LINGO2: variants seen among roughly 807,000 people sequenced by gnomAD.
LINGO2 encodes leucine rich repeat and Ig domain containing 2.
LINGO2 carries 14 observed loss-of-function variants against 30.6 expected under a neutral mutation model. That is an observed-to-expected ratio of 0.46 (90% CI 0.30 to 0.72). The LOEUF is 0.72. LINGO2 is among the 30% of genes least tolerant of loss of function. The probability of loss-of-function intolerance (pLI) is 0.07; values close to 1 mark genes in which losing one functional copy is unlikely to be tolerated. For missense variants in LINGO2, 729 were observed against 751.7 expected (o/e 0.97, Z 0.35); for synonymous variants, 317 against 288.5 (o/e 1.10, Z -1.00).
chr9:28,151,406 TACAC>T lies in LINGO2; in HGVS notation c.-86-139005_-86-139002del, dbSNP rs776894495. Among the ~76,000 whole-genome samples the T allele has an allele frequency of 3.0e-4, 45 of 152,000 alleles. 2 individuals carry two copies. The highest frequency in any genetic ancestry group is 1.9e-3 in the South Asian group (9 of 4,802). ...CTAAATGTGAATTTATATTTATACATACACACATATATACAAATTATATACACAT... is the reference window on the plus strand; with the variant it reads ...CTAAATGTGAATTTATATTTATACATACATATATACAAATTATATACACAT... On this transcript the variant is annotated intron_variant, in intron 4 of 5. Coordinates refer to ENST00000379992, the Ensembl canonical transcript of LINGO2.
chr9:29,102,960 A>G, the LINGO2 span, among the ~76,000 whole-genome samples: 1 of 152,120 alleles, frequency 6.6e-6, no homozygotes, highest in Admixed American at 6.5e-5. Context: ...TGATTTAATA[A>G]CTTGTCAAAC....
At chr9:28,725,880 C>A in the LINGO2 span, among the ~76,000 whole-genome samples, 1 of 152,074 alleles carries the variant, frequency 6.6e-6, no homozygotes, top group Non-Finnish European at 1.5e-5. Context: ...TGAGCTATTT[C>A]ATTGATGTCA....
At chr9:28,046,483 T>C (rs1219168266) in intron 4 of LINGO2, among the ~76,000 whole-genome samples, 2 of 152,186 alleles carry the variant, frequency 1.3e-5, no homozygotes, top group Non-Finnish European at 2.9e-5. Flanking sequence ...TAAGAACCTA[T>C]AATTTAAGCC....
At chr9:28,795,099 G>A in the LINGO2 span, among the ~76,000 whole-genome samples, 2 of 152,056 alleles carry the variant, frequency 1.3e-5, no homozygotes, top group Non-Finnish European at 2.9e-5. Flanking sequence ...TTCCCATAGT[G>A]CTGGGATTAC....
At chr9:28,549,266 C>G (rs1012736199) in intron 1 of LINGO2, among the ~76,000 whole-genome samples, 1 of 152,014 alleles carries the variant, frequency 6.6e-6, no homozygotes, top group Non-Finnish European at 1.5e-5. Context: ...TTTTATGAAG[C>G]AACAACATAT....
chr9:28,221,431 A>C (rs1386922406), intron 4 of LINGO2, among the ~76,000 whole-genome samples: 1 of 152,080 alleles, frequency 6.6e-6, no homozygotes, highest in African/African-American at 2.4e-5. Flanking sequence ...TATACTTCAA[A>C]TCATCATGTT....
the LINGO2 span, among the ~76,000 whole-genome samples, chr9:28,727,464 T>G: frequency 2.0e-5 from 3 of 152,144 alleles, no homozygotes; most frequent in African/African-American, 7.2e-5. Context: ...TTTTTTGTAT[T>G]TTTTTAGTAA....
intron 4 of LINGO2, among the ~76,000 whole-genome samples, chr9:28,047,652 C>G (rs1024315408): frequency 6.6e-6 from 1 of 150,790 alleles, no homozygotes; most frequent in Non-Finnish European, 1.5e-5. Flanking sequence ...GTAACGGTAG[C>G]TACCTTGTGG....
At chr9:28,577,635 T>C (rs1197635824) in intron 1 of LINGO2, among the ~76,000 whole-genome samples, 1 of 152,204 alleles carries the variant, frequency 6.6e-6, no homozygotes, top group Non-Finnish European at 1.5e-5. Flanking sequence ...ATTGGTTCTA[T>C]CTGGGCAGCA....
At chr9:29,142,961 A>G in the LINGO2 span, among the ~76,000 whole-genome samples, 4 of 152,070 alleles carry the variant, frequency 2.6e-5, no homozygotes, top group Non-Finnish European at 4.4e-5. Flanking sequence ...GGCAAGATAC[A>G]AATTAACATT....
chr9:28,083,429 T>A (rs189378181), intron 4 of LINGO2, among the ~76,000 whole-genome samples: 3 of 152,200 alleles, frequency 2.0e-5, no homozygotes, highest in African/African-American at 7.2e-5. Context: ...GGTTAGATTA[T>A]AAGAACAGGG....
chr9:27,968,326 C>T (rs10812711), intron 5 of LINGO2, among the ~76,000 whole-genome samples: 28,056 of 151,856 alleles, frequency 0.18, 6,424 homozygotes, highest in African/African-American at 0.53. Flanking sequence ...TATGGAAAGA[C>T]AATTGTATTA....
the LINGO2 span, among the ~76,000 whole-genome samples, chr9:28,909,544 G>A: frequency 6.6e-6 from 1 of 151,996 alleles, no homozygotes; most frequent in Non-Finnish European, 1.5e-5. Flanking sequence ...AAACTTTCAT[G>A]TTCCACTGAC....
At chr9:29,168,909 T>G in the LINGO2 span, among the ~76,000 whole-genome samples, 212 of 152,296 alleles carry the variant, frequency 1.4e-3, no homozygotes, top group Non-Finnish European at 2.5e-3. Context: ...CACTGTCCTG[T>G]TTTTAAATAT....
chr9:29,012,004 A>G, the LINGO2 span, among the ~76,000 whole-genome samples: 3 of 152,144 alleles, frequency 2.0e-5, no homozygotes, highest in Non-Finnish European at 4.4e-5. Flanking sequence ...TATCAGTGCT[A>G]TGTTTCAGAC....
the LINGO2 span, among the ~76,000 whole-genome samples, chr9:29,018,072 C>A: frequency 1.7e-3 from 207 of 120,374 alleles, no homozygotes; most frequent in African/African-American, 4.2e-3. Flanking sequence ...ATATATAAAT[C>A]TTTATATAAA....
the LINGO2 span, among the ~76,000 whole-genome samples, chr9:29,212,699 A>G: frequency 1.3e-5 from 2 of 152,112 alleles, no homozygotes. Flanking sequence ...ATCGTTTTCC[A>G]ATAGGTTTCA....
chr9:28,192,139 G>T (rs1402489411), intron 4 of LINGO2, among the ~76,000 whole-genome samples: 1 of 151,744 alleles, frequency 6.6e-6, no homozygotes, highest in African/African-American at 2.4e-5. Flanking sequence ...TTTCAATATA[G>T]CACCACAGTC....
intron 1 of LINGO2, among the ~76,000 whole-genome samples, chr9:28,609,182 T>C (rs1563861361): frequency 6.7e-6 from 1 of 149,680 alleles, no homozygotes; most frequent in Middle Eastern, 3.2e-3. Context: ...TACAAAACTA[T>C]AAAAATATTC....
Sources: allele counts gnomAD v4.1 joint callset (sites outside exome capture counted in the v4.1 genomes callset), GRCh38; gene constraint gnomAD v4.1.1; transcripts MANE v1.5; gene names NCBI Gene and HGNC (gene_info 2026-07-23, HGNC 2026-07-21).